CD80: variants seen among roughly 807,000 people sequenced by gnomAD.
CD80 encodes CD80 molecule.
In CD80, 13 loss-of-function variants were observed where a neutral mutation model predicts 27.1. That is an observed-to-expected ratio of 0.48 (90% CI 0.31 to 0.76). CD80 has a LOEUF of 0.76. Ranked by LOEUF, CD80 falls within the 30% of genes least tolerant of loss-of-function variation. The pLI is 0.04. For synonymous variants in CD80, 125 were observed against 125.5 expected (o/e 1.00, Z 0.03); for missense variants, 277 against 347.9 (o/e 0.80, Z 1.62).
intron 2 of CD80, among the ~76,000 whole-genome samples, chr3:119,556,880 G>C (rs909938105): frequency 6.6e-6 from 1 of 152,038 alleles, no homozygotes; most frequent in Non-Finnish European, 1.5e-5. Context: ...CTGCCAGCAG[G>C]GACAAGCCTC....
intron 2 of CD80, among the ~76,000 whole-genome samples, chr3:119,556,315 G>A (rs2082264604): frequency 6.6e-6 from 1 of 151,902 alleles, no homozygotes; most frequent in South Asian, 2.1e-4. Flanking sequence ...TTTATTTTAT[G>A]TCCTCTTTTA....
intron 2 of CD80, among the ~76,000 whole-genome samples, chr3:119,546,084 T>C (rs1284249725): frequency 6.6e-6 from 1 of 152,242 alleles, no homozygotes; most frequent in Non-Finnish European, 1.5e-5. Flanking sequence ...CCAATCATTA[T>C]AACATAACCT....
intron 6 of CD80, chr3:119,527,403 G>A (rs1553781323): frequency 9.5e-6 from 2 of 210,422 alleles, no homozygotes; most frequent in Non-Finnish European, 1.9e-5. Context: ...TCAATACTGA[G>A]AGATAGAGGG....
chr3:119,525,516 A>T lies in CD80; in HGVS notation c.*272T>A, dbSNP rs796211817. On this transcript the variant is annotated 3_prime_UTR_variant, in exon 7 of 7. Coordinates refer to ENST00000264246, the MANE Select transcript of CD80 (RefSeq NM_005191.4). ...CTGGGCCTCAGTGCCTTTGTCATTAATAACACTGGTATTCTCTAAAGTCCC... is the reference window on the plus strand; with the variant it reads ...CTGGGCCTCAGTGCCTTTGTCATTATTAACACTGGTATTCTCTAAAGTCCC... The T allele has an allele frequency of 7.2e-5, 11 of 152,404 alleles. No individual in the cohort carries two copies. Among genetic ancestry groups the T allele is most frequent in the African/African-American group, 2.6e-4 (11 of 41,586 alleles). The allele number at this position is 152,404 out of a possible 1,614,324, so 9.4% of individuals were successfully genotyped here. A position where few individuals can be genotyped will look rare whatever the true frequency, so the allele number is the denominator to read the frequency against.
intron 5 of CD80, among the ~76,000 whole-genome samples, chr3:119,528,517 C>T (rs2082090956): frequency 6.6e-6 from 1 of 152,124 alleles, no homozygotes; most frequent in African/African-American, 2.4e-5. Flanking sequence ...AGTGTAAATT[C>T]ATAGGGTAAA....
intron 5 of CD80, among the ~76,000 whole-genome samples, chr3:119,528,750 C>T (rs550913485): frequency 2.0e-4 from 31 of 151,730 alleles, no homozygotes; most frequent in South Asian, 4.2e-4. Flanking sequence ...GGTGAAACCC[C>T]GTCTCTACTA....
In CD80 at chr3:119,537,290, T is replaced by C. The variant is rs201182646; in HGVS notation, c.547A>G (p.Asn183Asp). ...TGGGAAACTGTTGTGTTGATGGCAT[T>C]TAATTCTTCTCCATTTTCCAACCAG... ...LSWLENGEELNAINTTVSQDP... is the reference protein window; with the variant it reads ...LSWLENGEELDAINTTVSQDP... Residue 183 changes from asparagine (N) to aspartate (D), a missense_variant, in exon 4 of 7, where the codon AAT (asparagine) becomes GAT (aspartate). Coordinates refer to ENST00000264246, the MANE Select transcript of CD80 (RefSeq NM_005191.4). 125 of 1,614,130 alleles carry C rather than the reference T, an allele frequency of 7.7e-5. No individual in the cohort carries two copies. In the East Asian group the frequency reaches 2.7e-3, roughly 35 times the overall value.
chr3:119,557,802 G>A lies in CD80; in HGVS notation c.-74C>T. On this transcript the variant is annotated 5_prime_UTR_variant, in exon 2 of 7. Coordinates refer to ENST00000264246, the MANE Select transcript of CD80 (RefSeq NM_005191.4). Reference sequence around the variant, plus strand: ...AGTAAGACCAGGGCACTTCCCAGGTGCAAAACAGGCAGGGCTGATGACAAT... The same window carrying A: ...AGTAAGACCAGGGCACTTCCCAGGTACAAAACAGGCAGGGCTGATGACAAT... 2.1e-6 allele frequency: 2 copies of A among 936,602 alleles called. No homozygotes were observed. The highest frequency in any genetic ancestry group is 2.3e-5 in the Admixed American group (1 of 43,108). 58.0% of individuals were successfully genotyped at this position (936,602 alleles called of 1,614,324 possible).
At chr3:119,542,388 T>C (rs978298671) in intron 3 of CD80, among the ~76,000 whole-genome samples, 2 of 152,198 alleles carry the variant, frequency 1.3e-5, no homozygotes, top group Non-Finnish European at 2.9e-5. Context: ...AGGAATTCAC[T>C]ACGGATCTGC....
At chr3:119,553,799 TA>T (rs769515525) in intron 2 of CD80, among the ~76,000 whole-genome samples, 3 of 152,246 alleles carry the variant, frequency 2.0e-5, no homozygotes, top group Non-Finnish European at 2.9e-5. Flanking sequence ...TAAACATTCT[TA>T]GAAAGAATGG....
rs1343226068 is a variant in CD80, at chr3:119,527,821, C to G, written c.817G>C (p.Glu273Gln). 6.2e-7 allele frequency: 1 copy of G among 1,613,818 alleles called. No homozygotes were observed. The highest frequency in any genetic ancestry group is 8.5e-7 in the Non-Finnish European group (1 of 1,179,844). Reference protein sequence around the residue: ...LTYCFAPRCRERRRNERLRRE... With the variant: ...LTYCFAPRCRQRRRNERLRRE... ...CTCAATCTCTCATTCCTCCTTCTCT[C>G]TCTGCATCTTGGGGCAAAGCCTTGG... The change falls in exon 6 of 7, where the codon GAG (glutamate) becomes CAG (glutamine). Residue 273 changes from glutamate to glutamine, a missense_variant. Transcript: ENST00000264246.
At chr3:119,540,853 A>T (rs2107743415) in intron 3 of CD80, among the ~76,000 whole-genome samples, 1 of 152,158 alleles carries the variant, frequency 6.6e-6, no homozygotes, top group East Asian at 1.9e-4. Context: ...GTTTGAGACC[A>T]CCCTGGACAA....
chr3:119,546,416 A>G (rs1206048989), intron 2 of CD80, among the ~76,000 whole-genome samples: 1 of 152,074 alleles, frequency 6.6e-6, no homozygotes, highest in African/African-American at 2.4e-5. Flanking sequence ...ACCCCACAAG[A>G]TATGTATTAT....
At chr3:119,540,156 AGC>A (rs2082159390) in intron 3 of CD80, among the ~76,000 whole-genome samples, 1 of 152,192 alleles carries the variant, frequency 6.6e-6, no homozygotes, top group South Asian at 2.1e-4. Context: ...TCACTGTGTT[AGC>A]CAGGATGGTC....
chr3:119,537,115 T>A (rs2082143418), intron 4 of CD80, 22 bp downstream of exon 4: 1 of 1,598,074 alleles, frequency 6.3e-7, no homozygotes, highest in Admixed American at 1.7e-5. Flanking sequence ...TAGTAGAAAC[T>A]CCCCAGAACA....
At chr3:119,530,855 A>G (rs774896891) in intron 4 of CD80, among the ~76,000 whole-genome samples, 7 of 152,250 alleles carry the variant, frequency 4.6e-5, no homozygotes, top group Non-Finnish European at 8.8e-5. Context: ...TATTTAAAAC[A>G]TAAAAGAAAT....
rs1560052691 is a variant in CD80, at chr3:119,527,860, CAAT to C, written c.797-22_797-20del. Reference sequence around the variant, plus strand: ...GCAAAGCCTTGGAGACAAGAACAAACAATAAAAATGATAAGTAAGTTTCCCTTG... The same window carrying C: ...GCAAAGCCTTGGAGACAAGAACAAACAAAAATGATAAGTAAGTTTCCCTTG... On this transcript the variant is annotated intron_variant, in intron 5 of 6. Transcript: ENST00000264246. The C allele has an allele frequency of 1.2e-6, 2 of 1,603,776 alleles. No homozygotes were observed. Among genetic ancestry groups the C allele is most frequent in the South Asian group, 1.1e-5 (1 of 90,850 alleles).
chr3:119,546,557 G>T (rs536947145), intron 2 of CD80, among the ~76,000 whole-genome samples: 10 of 152,130 alleles, frequency 6.6e-5, no homozygotes, highest in Middle Eastern at 3.4e-3. Flanking sequence ...AGGGAGATGA[G>T]GTCAACTAAG....
intron 4 of CD80, 144 bp downstream of exon 4, chr3:119,536,993 A>G (rs894352693): frequency 2.6e-5 from 21 of 801,868 alleles, no homozygotes; most frequent in Middle Eastern, 2.7e-4. Context: ...ATCTAGGTTT[A>G]TGTAAATACA....
Sources: allele counts gnomAD v4.1 joint callset (sites outside exome capture counted in the v4.1 genomes callset), GRCh38; gene constraint gnomAD v4.1.1; transcripts MANE v1.5; gene names NCBI Gene and HGNC (gene_info 2026-07-23, HGNC 2026-07-21).